STARD13: variants seen among roughly 807,000 people sequenced by gnomAD.
STARD13 encodes the protein StAR related lipid transfer domain containing 13.
In STARD13, 62 loss-of-function variants were observed where a neutral mutation model predicts 106.4. The ratio of observed to expected loss-of-function variants is 0.58; its 90% CI spans 0.48 to 0.72. The LOEUF is 0.72. Among genes scored for constraint, STARD13 ranks in the 30% least tolerant of loss-of-function variants. STARD13 has a pLI of 0.00. For synonymous variants in STARD13, 565 were observed against 553.0 expected, an observed-to-expected ratio of 1.02 and a Z score of -0.31; for missense variants, 1,387 against 1,424.0, an observed-to-expected ratio of 0.97 and a Z score of 0.42.
At chr13:33,332,709 G>T (rs1014849645) in intron 1 of STARD13, among the ~76,000 whole-genome samples, 1 of 151,948 alleles carries the variant, frequency 6.6e-6, no homozygotes, top group Non-Finnish European at 1.5e-5. Flanking sequence ...ATCCCAAATA[G>T]CACCCCCTTT....
chr13:33,476,240 A>G, the STARD13 span, among the ~76,000 whole-genome samples: 36 of 152,204 alleles, frequency 2.4e-4, 1 homozygote, highest in Non-Finnish European at 4.3e-4. Context: ...GAATAATAAT[A>G]AAAAATGAGA....
At chr13:33,656,362 A>G in the STARD13 span, among the ~76,000 whole-genome samples, 228 of 152,374 alleles carry the variant, frequency 1.5e-3, no homozygotes, top group African/African-American at 5.2e-3. Context: ...TCTAAGAAAT[A>G]TCTAAAAGTC....
chr13:33,620,694 C>T, the STARD13 span, among the ~76,000 whole-genome samples: 1 of 149,950 alleles, frequency 6.7e-6, no homozygotes, highest in Non-Finnish European at 1.5e-5. Context: ...AAATAAATGA[C>T]AATAAAATAT....
intron 8 of STARD13, 176 bp downstream of exon 8, chr13:33,117,889 G>A: frequency 1.0e-6 from 1 of 985,288 alleles, no homozygotes; most frequent in Non-Finnish European, 1.2e-6. Flanking sequence ...AAAATGGCTT[G>A]TGGATTTCCA....
chr13:33,562,723 A>C, the STARD13 span, among the ~76,000 whole-genome samples: 1 of 146,608 alleles, frequency 6.8e-6, no homozygotes, highest in Non-Finnish European at 1.5e-5. Flanking sequence ...GATCTTACCT[A>C]AATTGGTTGA....
the STARD13 span, among the ~76,000 whole-genome samples, chr13:33,675,250 T>G: frequency 6.6e-6 from 1 of 152,360 alleles, no homozygotes; most frequent in Middle Eastern, 3.4e-3. Flanking sequence ...CAAAGGTAGC[T>G]TCAACATTCT....
intron 1 of STARD13, chr13:33,335,364 C>CTCTCA (rs1381602277): frequency 6.6e-6 from 1 of 152,200 alleles, no homozygotes. Flanking sequence ...TCTGTGACAC[C>CTCTCA]CTGTGTGAGG....
At chr13:33,671,108 G>A in the STARD13 span, among the ~76,000 whole-genome samples, 1 of 152,150 alleles carries the variant, frequency 6.6e-6, no homozygotes, top group African/African-American at 2.4e-5. Flanking sequence ...TGCGTGTATT[G>A]CTTTTCCTCA....
the STARD13 span, among the ~76,000 whole-genome samples, chr13:33,622,791 A>ATG: frequency 2.0e-5 from 3 of 150,762 alleles, no homozygotes; most frequent in Non-Finnish European, 4.4e-5. Context: ...GTGGTGGCGC[A>ATG]TGCCTGTAGT....
chr13:33,515,934 G>A, the STARD13 span, among the ~76,000 whole-genome samples: 3 of 151,858 alleles, frequency 2.0e-5, no homozygotes, highest in South Asian at 2.1e-4. Flanking sequence ...GACAATTAGC[G>A]ATTCTCTGTG....
intron 1 of STARD13, among the ~76,000 whole-genome samples, chr13:33,186,302 C>T (rs778837815): frequency 6.6e-6 from 1 of 152,182 alleles, no homozygotes; most frequent in Non-Finnish European, 1.5e-5. Flanking sequence ...CTAAAGAGGA[C>T]TAAAATGTAA....
intron 1 of STARD13, among the ~76,000 whole-genome samples, chr13:33,266,087 C>A (rs1056689624): frequency 6.6e-6 from 1 of 152,166 alleles, no homozygotes; most frequent in Non-Finnish European, 1.5e-5. Context: ...GCAGCAGAAG[C>A]AACAACCACT....
the STARD13 span, chr13:33,439,643 A>G: frequency 9.1e-7 from 1 of 1,095,312 alleles, no homozygotes; most frequent in Admixed American, 2.4e-5. Flanking sequence ...AAGCTCTCCA[A>G]ACAACTTTTA....
chr13:33,246,819 A>C (rs1281045058), intron 1 of STARD13, among the ~76,000 whole-genome samples: 1 of 152,210 alleles, frequency 6.6e-6, no homozygotes, highest in East Asian at 1.9e-4. Flanking sequence ...GCTTCTTGGA[A>C]GAAGACCTTG....
chr13:33,117,664 A>G, intron 8 of STARD13: 1 of 961,892 alleles, frequency 1.0e-6, no homozygotes. Flanking sequence ...ATTTTAATTC[A>G]TGTCACTTTG....
chr13:33,349,933 G>A (rs1035022842), intron 1 of STARD13, among the ~76,000 whole-genome samples: 1 of 152,362 alleles, frequency 6.6e-6, no homozygotes, highest in Non-Finnish European at 1.5e-5. Flanking sequence ...CTTGGTCTGG[G>A]CACTTATTCA....
At chr13:33,306,873 C>T (rs1384819130) in intron 1 of STARD13, among the ~76,000 whole-genome samples, 1 of 152,042 alleles carries the variant, frequency 6.6e-6, no homozygotes, top group Non-Finnish European at 1.5e-5. Context: ...TCACTCAAAC[C>T]CGGGAGGTGG....
chr13:33,587,741 C>T, the STARD13 span, among the ~76,000 whole-genome samples: 1 of 152,150 alleles, frequency 6.6e-6, no homozygotes, highest in African/African-American at 2.4e-5. Flanking sequence ...AATTGTGCTT[C>T]CCAACAAGGT....
intron 1 of STARD13, among the ~76,000 whole-genome samples, chr13:33,250,835 A>T (rs114671115): frequency 6.6e-6 from 1 of 152,130 alleles, no homozygotes; most frequent in African/African-American, 2.4e-5. Context: ...TTGAACACAC[A>T]TCTGTTCTTG....
Sources: gnomAD v4.1 joint callset for allele counts (sites outside exome capture counted in the v4.1 genomes callset) on GRCh38, gnomAD v4.1.1 for gene constraint, MANE v1.5 for transcripts, NCBI Gene and HGNC (gene_info 2026-07-23, HGNC 2026-07-21) for gene names.